The following POF1B variants were observed in gnomAD, a reference collection of about 807,000 sequenced individuals.
POF1B encodes POF1B actin binding protein, also known as protein POF1B.
A neutral mutation model predicts 55.3 loss-of-function variants in POF1B; 53 were observed. The observed-to-expected ratio is 0.96, with a 90% CI of 0.77 to 1.20. The LOEUF (loss-of-function observed/expected upper bound fraction) is 1.20. POF1B is among the 50% of genes most tolerant of loss of function. The probability of loss-of-function intolerance (pLI) is 0.00; values close to 1 mark genes in which losing one functional copy is unlikely to be tolerated. For missense variants in POF1B, 478 were observed against 420.5 expected (o/e 1.14, Z -1.20); for synonymous variants, 188 against 148.3 (o/e 1.27, Z -1.95).
chrX:85,351,324 A>G, intron 5 of POF1B, 26 bp downstream of exon 5: 1 of 1,054,411 alleles, frequency 9.5e-7, no homozygotes, highest in Non-Finnish European at 1.3e-6. Context: ...ACTTAAAAAC[A>G]AGTTTTAAAA....
intron 2 of POF1B, among the ~76,000 whole-genome samples, chrX:85,374,364 G>T (rs1409473631): frequency 9.0e-6 from 1 of 111,365 alleles, no homozygotes; most frequent in Admixed American, 9.6e-5. Flanking sequence ...TCATTTTCCT[G>T]TTGATAGCTG....
chrX:85,287,676 A>G (rs184655601), intron 15 of POF1B, among the ~76,000 whole-genome samples: 1 of 111,500 alleles, frequency 9.0e-6, no homozygotes, highest in Admixed American at 9.6e-5. Flanking sequence ...CAAATAAATA[A>G]TATCAATCTT....
At chrX:85,378,577 T>A (rs1038196173) in intron 2 of POF1B, among the ~76,000 whole-genome samples, 1 of 111,933 alleles carries the variant, frequency 8.9e-6, no homozygotes, top group East Asian at 2.8e-4. Flanking sequence ...CTATATCAAC[T>A]CTTCCAGTAC....
intron 15 of POF1B, among the ~76,000 whole-genome samples, chrX:85,301,569 ATTT>A (rs1932457056): frequency 9.0e-6 from 1 of 111,588 alleles, no homozygotes; most frequent in Non-Finnish European, 1.9e-5. Context: ...TCCCAAATCC[ATTT>A]GAAGAAATAA....
At chrX:85,348,338 C>G (rs1368254432) in intron 5 of POF1B, among the ~76,000 whole-genome samples, 1 of 111,344 alleles carries the variant, frequency 9.0e-6, no homozygotes, top group Non-Finnish European at 1.9e-5. Context: ...ACAGATCAAA[C>G]ATTTCTGATT....
At chrX:85,359,117 G>A (rs1392685773) in intron 4 of POF1B, among the ~76,000 whole-genome samples, 1 of 105,663 alleles carries the variant, frequency 9.5e-6, no homozygotes, top group Non-Finnish European at 1.9e-5. Context: ...TTTAACCTTT[G>A]ACCTTTAATT....
At chrX:85,303,627 G>A (rs1486676556) in intron 14 of POF1B, 139 bp from the exon 15 acceptor site, 1 of 425,221 alleles carries the variant, frequency 2.4e-6, no homozygotes, top group Non-Finnish European at 4.0e-6. Flanking sequence ...ACGTAATAAT[G>A]TTCTAATCCC....
chrX:85,331,070 G>A lies in POF1B; in HGVS notation c.733C>T (p.Gln245Ter). ...SSQICEQVII[Q>*]DDGPEKLDPR... ...TCCAATTTTTCAGGGCCATCATCCT[G>A]AATTATCACCTGAAGCAAACATCAA... Residue 245 changes from glutamine (Q) to a stop codon, truncating the protein, a stop_gained, in exon 7 of 17, where the codon CAG (glutamine) becomes TAG (stop). Coordinates refer to ENST00000262753, the MANE Select transcript of POF1B (RefSeq NM_024921.4). LOFTEE classifies it high-confidence loss of function. The A allele has an allele frequency of 8.3e-7, 1 of 1,203,193 alleles. No individual in the cohort carries two copies.
intron 8 of POF1B, among the ~76,000 whole-genome samples, chrX:85,315,439 GA>G (rs1393839525): frequency 9.0e-6 from 1 of 110,682 alleles, no homozygotes; most frequent in African/African-American, 3.3e-5. Flanking sequence ...ATTAAAAATA[GA>G]ACATTTCAAA....
intron 5 of POF1B, among the ~76,000 whole-genome samples, chrX:85,350,071 T>C (rs182427025): frequency 5.4e-5 from 6 of 110,258 alleles, no homozygotes; most frequent in Admixed American, 9.7e-5. Context: ...TTAGGGTACA[T>C]GTGCACAATG....
At chrX:85,289,256 C>T (rs965272901) in intron 15 of POF1B, among the ~76,000 whole-genome samples, 2 of 111,850 alleles carry the variant, frequency 1.8e-5, no homozygotes, top group Non-Finnish European at 3.8e-5. Context: ...ACACAGGTCA[C>T]ATGACTCACT....
At chrX:85,312,633 G>T (rs1161646386) in intron 9 of POF1B, among the ~76,000 whole-genome samples, 1 of 111,134 alleles carries the variant, frequency 9.0e-6, no homozygotes, top group Non-Finnish European at 1.9e-5. Flanking sequence ...TGTTCTTTTG[G>T]CTTAGGATTG....
Position 85,350,793 on chromosome X carries a change from T to C in POF1B, c.540+557A>G, listed in dbSNP as rs145443276. Reference sequence around the variant, plus strand: ...AAATCAAAACCACAATGAGGTACCATCTCACACCAGTTAGAATGGCAATGA... The same window carrying C: ...AAATCAAAACCACAATGAGGTACCACCTCACACCAGTTAGAATGGCAATGA... On this transcript the variant is annotated intron_variant, in intron 5 of 16. Transcript: ENST00000262753. 9.5e-3 allele frequency among the ~76,000 whole-genome samples: 1,054 copies of C among 111,324 alleles called. 17 individuals carry two copies. The highest frequency in any genetic ancestry group is 0.033 in the African/African-American group (1,001 of 30,731).
rs139322973 is a variant in POF1B at position 85,338,649 on chromosome X, C to T, written c.723+7211G>A. On this transcript the variant is annotated intron_variant, in intron 6 of 16. Transcript: ENST00000262753. The stretch of plus-strand genomic sequence containing the variant: ...TGGGAATTCTGCAACAAGGGCCTAA[C>T]GAGAGCTACAGATCAAATGCTAAGA... Among the ~76,000 whole-genome samples the T allele has an allele frequency of 5.2e-3, 579 of 111,428 alleles. 5 individuals are homozygous for T. Among genetic ancestry groups the T allele is most frequent in the African/African-American group, 0.018 (550 of 30,711 alleles).
rs772988126 is a variant in POF1B, at chrX:85,379,620, G to A, written c.-42+19C>T. On this transcript the variant is annotated intron_variant, in intron 1 of 16. Coordinates refer to ENST00000262753, the MANE Select transcript of POF1B (RefSeq NM_024921.4). ...CAAAACCTCTGCCAATAGTGGTGCCGGGAAGAGAAGAAAGCTACCTGAGCA... is the reference window on the plus strand; with the variant it reads ...CAAAACCTCTGCCAATAGTGGTGCCAGGAAGAGAAGAAAGCTACCTGAGCA... 2 of 518,030 alleles carry A rather than the reference G, an allele frequency of 3.9e-6. No homozygotes were observed. Among genetic ancestry groups the A allele is most frequent in the South Asian group, 3.5e-5 (1 of 28,985 alleles). 42.7% of individuals were successfully genotyped at this position (518,030 alleles called of 1,213,427 possible).
chrX:85,355,167 A>G (rs747376479), intron 4 of POF1B, among the ~76,000 whole-genome samples: 1 of 111,531 alleles, frequency 9.0e-6, no homozygotes, highest in Non-Finnish European at 1.9e-5. Context: ...ATCTACAATC[A>G]CCTGATCTTT....
chrX:85,337,471 C>CT (rs927861172), intron 6 of POF1B, among the ~76,000 whole-genome samples: 8 of 111,163 alleles, frequency 7.2e-5, no homozygotes, highest in East Asian at 5.7e-4. Context: ...TATGAAGAAG[C>CT]TTTTTTTTGT....
chrX:85,316,026 A>G (rs1235421276), intron 7 of POF1B, among the ~76,000 whole-genome samples: 2 of 111,353 alleles, frequency 1.8e-5, no homozygotes, highest in African/African-American at 3.3e-5. Flanking sequence ...TTGTGCCTAG[A>G]TTAGAAGTCC....
chrX:85,369,956 G>C (rs1403813216), intron 2 of POF1B, among the ~76,000 whole-genome samples: 1 of 112,137 alleles, frequency 8.9e-6, no homozygotes, highest in Non-Finnish European at 1.9e-5. Flanking sequence ...CACATGGTTA[G>C]TATCTGGTAG....
Sources: gnomAD v4.1 joint callset for allele counts (sites outside exome capture counted in the v4.1 genomes callset) on GRCh38, gnomAD v4.1.1 for gene constraint, MANE v1.5 for transcripts, NCBI Gene and HGNC (gene_info 2026-07-23, HGNC 2026-07-21) for gene names.